EML1: variants seen among roughly 807,000 people sequenced by gnomAD.
EML1 encodes EMAP like 1.
A neutral mutation model predicts 110.4 loss-of-function variants in EML1; 27 were observed. The observed-to-expected ratio is 0.24, with a 90% confidence interval of 0.18 to 0.34. The LOEUF (loss-of-function observed/expected upper bound fraction) is 0.34. Ranked by LOEUF, EML1 falls within the 10% of genes least tolerant of loss-of-function variation. EML1 has a pLI of 1.00. For missense variants in EML1, 741 were observed against 1,030.9 expected (o/e 0.72, Z 3.85); for synonymous variants, 344 against 385.8 (o/e 0.89, Z 1.27).
chr14:99,800,816 C>G (rs2057861552), intron 1 of EML1, among the ~76,000 whole-genome samples: 1 of 152,214 alleles, frequency 6.6e-6, no homozygotes. Flanking sequence ...TGCCAGCTTT[C>G]TGGAAAATAT....
rs754974721 is a variant in EML1, at chr14:99,898,222, C to T, written c.828-11C>T. On this transcript the variant is annotated splice_polypyrimidine_tract_variant and intron_variant, in intron 7 of 21. Transcript: ENST00000262233. ...CAACATGTAGATGTTTTGTAAATATCCTTTTCTTAGCCTAGCAGTTCATCC... is the reference window on the plus strand; with the variant it reads ...CAACATGTAGATGTTTTGTAAATATTCTTTTCTTAGCCTAGCAGTTCATCC... 1 of 1,578,194 alleles carries T rather than the reference C, an allele frequency of 6.3e-7. No homozygotes were observed. Among genetic ancestry groups the T allele is most frequent in the East Asian group, 2.3e-5 (1 of 44,004 alleles).
At chr14:99,812,994 C>G (rs562741739) in intron 1 of EML1, among the ~76,000 whole-genome samples, 1 of 152,178 alleles carries the variant, frequency 6.6e-6, no homozygotes, top group Non-Finnish European at 1.5e-5. Context: ...TTCCACACTG[C>G]GTAACCTCCA....
Position 99,939,445 on chromosome 14 carries a change from A to G in EML1, c.2322+118A>G, listed in dbSNP as rs2060538930. 1.3e-6 allele frequency: 2 copies of G among 1,491,534 alleles called. No homozygotes were observed. The highest frequency in any genetic ancestry group is 1.4e-5 in the African/African-American group (1 of 71,976). The allele number at this position is 1,491,534 out of a possible 1,614,324, so 92.4% of individuals were successfully genotyped here. ...CGACTGCTGCCAGCCACAAAGGCAG[A>G]TGTGACTCTGTTCTTTGCGCCCTGA... On this transcript the variant is annotated intron_variant, in intron 21 of 21. Transcript: ENST00000262233. The surrounding 1 kb of genome is among the most constrained non-coding windows in gnomAD (Gnocchi z 4.2).
chr14:99,926,710 G>C (rs1413631848), intron 17 of EML1, among the ~76,000 whole-genome samples: 1 of 152,018 alleles, frequency 6.6e-6, no homozygotes, highest in Non-Finnish European at 1.5e-5. Context: ...CCCTTGAATA[G>C]GTGGGACTAC....
chr14:99,763,663 C>G (rs944754924), intron 1 of EML1, among the ~76,000 whole-genome samples: 2 of 152,160 alleles, frequency 1.3e-5, no homozygotes, highest in Non-Finnish European at 2.9e-5. Flanking sequence ...GTGTTATTGT[C>G]CTCATCACTG....
chr14:99,790,497 C>T (rs1220348178), upstream of EML1, among the ~76,000 whole-genome samples: 1 of 149,704 alleles, frequency 6.7e-6, no homozygotes, highest in Non-Finnish European at 1.5e-5. Context: ...ACCACCACAC[C>T]CGGCTTTAAA....
At chr14:99,825,764 A>G (rs2058341650) in intron 1 of EML1, among the ~76,000 whole-genome samples, 1 of 152,194 alleles carries the variant, frequency 6.6e-6, no homozygotes, top group African/African-American at 2.4e-5. Flanking sequence ...ATGTATTTCC[A>G]CTTAGATGCC....
chr14:99,841,270 C>T (rs985328529), intron 1 of EML1, among the ~76,000 whole-genome samples: 4 of 152,170 alleles, frequency 2.6e-5, no homozygotes, highest in Non-Finnish European at 4.4e-5. Context: ...TATTGTTAAT[C>T]GTTGATTTCA....
chr14:99,739,119 A>AGAGAGTGT (rs1258318282), intron 1 of EML1, among the ~76,000 whole-genome samples: 2 of 134,908 alleles, frequency 1.5e-5, no homozygotes, highest in African/African-American at 5.9e-5. Flanking sequence ...AGAGAGAGAG[A>AGAGAGTGT]GTGTGTGTGT....
intron 2 of EML1, among the ~76,000 whole-genome samples, chr14:99,852,213 A>G (rs138788186): frequency 0.011 from 1,662 of 152,368 alleles, 14 homozygotes; most frequent in Middle Eastern, 0.027. Context: ...TTTAGCCAGA[A>G]TCACTCTTCC....
rs1334194149 is a variant in EML1 at position 99,800,391 on chromosome 14, TCTCA to T, written c.67+6852_67+6855del. ...ATTTATTTTTTATTTAGAGTCAGGG[TCTCA>T]CTCTGTTGCCCAGGTTGGAGTGCAG... On this transcript the variant is annotated intron_variant, in intron 1 of 21. Transcript: ENST00000262233. 3.9e-5 allele frequency among the ~76,000 whole-genome samples: 6 copies of T among 152,216 alleles called. No homozygotes were observed. In the East Asian group the frequency reaches 9.6e-4, roughly 24 times the overall value.
chr14:99,821,485 TC>T (rs2058262096), intron 1 of EML1, among the ~76,000 whole-genome samples: 2 of 152,146 alleles, frequency 1.3e-5, no homozygotes, highest in South Asian at 4.1e-4. Flanking sequence ...AGACCGTCTC[TC>T]CCTCCCTTTT....
intron 1 of EML1, among the ~76,000 whole-genome samples, chr14:99,739,065 A>AGTGT (rs35246718): frequency 0.47 from 65,772 of 138,806 alleles, 17,848 homozygotes; most frequent in Middle Eastern, 0.63. Context: ...AGAGTGTGAG[A>AGTGT]GTGTGTGTGT....
chr14:99,892,869 G>A (rs2059610951), intron 5 of EML1, among the ~76,000 whole-genome samples: 1 of 152,134 alleles, frequency 6.6e-6, no homozygotes, highest in Admixed American at 6.5e-5. Context: ...CGAGCTTTCT[G>A]GCAGGACTGA....
At chr14:99,937,030 C>T (rs745502978) in intron 19 of EML1, among the ~76,000 whole-genome samples, 2 of 152,216 alleles carry the variant, frequency 1.3e-5, no homozygotes, top group African/African-American at 2.4e-5. Context: ...AGATGACCTA[C>T]AGCACTTTCT....
At position 99,802,196 on chromosome 14, in the gene EML1, A is replaced by T. The variant is rs112561248; in HGVS notation, c.67+8653A>T. 3.5e-3 allele frequency among the ~76,000 whole-genome samples: 526 copies of T among 152,104 alleles called. 2 individuals carry two copies. Among genetic ancestry groups the T allele is most frequent in the African/African-American group, 0.011 (450 of 41,492 alleles). On this transcript the variant is annotated intron_variant, in intron 1 of 21. Transcript: ENST00000262233. ...AAGCCCTGGGTGGGAAAGAACCTTT[A>T]GAGAACTGAAAGAAGGTTGCCTGTG...
chr14:99,766,891 G>T (rs1367486887), intron 1 of EML1, among the ~76,000 whole-genome samples: 1 of 152,182 alleles, frequency 6.6e-6, no homozygotes, highest in Admixed American at 6.5e-5. Context: ...GAGAGAGGCT[G>T]GCCACCGGGC....
intron 1 of EML1, among the ~76,000 whole-genome samples, chr14:99,826,731 A>C (rs2058367341): frequency 6.6e-6 from 1 of 152,156 alleles, no homozygotes. Flanking sequence ...AAAAAAACAA[A>C]AAAACACCTT....
chr14:99,878,909 A>G (rs1327606167), intron 4 of EML1, among the ~76,000 whole-genome samples: 1 of 152,144 alleles, frequency 6.6e-6, no homozygotes, highest in Non-Finnish European at 1.5e-5. Context: ...AGTACCTAGA[A>G]CTGGGGAAGC....
Sources: gnomAD v4.1 joint callset for allele counts (sites outside exome capture counted in the v4.1 genomes callset) on GRCh38, gnomAD v4.1.1 for gene constraint, Gnocchi (gnomAD v3.1) non-coding constraint, MANE v1.5 for transcripts, NCBI Gene and HGNC (gene_info 2026-07-23, HGNC 2026-07-21) for gene names.